Variants in NEDD4 observed in about 807,000 individuals in gnomAD.
The protein encoded by NEDD4 is NEDD4 E3 ubiquitin protein ligase.
NEDD4 carries 99 observed loss-of-function variants against 144.9 expected under a neutral mutation model. That is an observed-to-expected ratio of 0.68 (90% confidence interval 0.58 to 0.81). The LOEUF is 0.81. NEDD4 is among the 30% of genes least tolerant of loss of function. The pLI, the probability that NEDD4 is intolerant of heterozygous loss-of-function variation, is 0.00. For missense variants in NEDD4, 985 were observed against 1,065.9 expected, an observed-to-expected ratio of 0.92 and a Z score of 1.06; for synonymous variants, 318 against 350.6, an observed-to-expected ratio of 0.91 and a Z score of 1.04.
intron 18 of NEDD4, among the ~76,000 whole-genome samples, chr15:55,845,186 T>G (rs1282979667): frequency 6.6e-6 from 1 of 152,204 alleles, no homozygotes; most frequent in African/African-American, 2.4e-5. Flanking sequence ...ACCTTTCTTT[T>G]ATATGTTTAT....
chr15:55,846,149 A>T (rs1455908978), intron 18 of NEDD4, among the ~76,000 whole-genome samples: 1 of 152,222 alleles, frequency 6.6e-6, no homozygotes, highest in Non-Finnish European at 1.5e-5. Flanking sequence ...TTATTAGGGC[A>T]TAAAATGTTT....
At chr15:55,970,269 C>A (rs1420995174) in intron 1 of NEDD4, among the ~76,000 whole-genome samples, 1 of 152,094 alleles carries the variant, frequency 6.6e-6, no homozygotes, top group African/African-American at 2.4e-5. Flanking sequence ...CAAGCAGATT[C>A]CTAAAGTCCC....
At chr15:55,916,567 T>C in intron 5 of NEDD4, 1 of 1,614,070 alleles carries the variant, frequency 6.2e-7, no homozygotes, top group Non-Finnish European at 8.5e-7. Flanking sequence ...TGTAGTGAAA[T>C]CTGTAGACAG....
At chr15:55,924,568 C>T in intron 5 of NEDD4, 78 bp downstream of exon 5, 1 of 1,279,970 alleles carries the variant, frequency 7.8e-7, no homozygotes, top group South Asian at 1.3e-5. Flanking sequence ...AAATCCCAGA[C>T]TGCTTACCCA....
intron 2 of NEDD4, among the ~76,000 whole-genome samples, chr15:55,955,676 T>C (rs999531141): frequency 1.3e-5 from 2 of 152,246 alleles, no homozygotes; most frequent in Non-Finnish European, 2.9e-5. Flanking sequence ...TGTATGTATA[T>C]ACATTTCTTT....
At chr15:55,842,213 A>G (rs1566903326) in intron 18 of NEDD4, 50 bp from the exon 19 acceptor site, 1 of 1,456,012 alleles carries the variant, frequency 6.9e-7, no homozygotes, top group Non-Finnish European at 9.6e-7. Flanking sequence ...CAACATAATA[A>G]CAAACCCATC....
At position 55,850,565 on chromosome 15, in the gene NEDD4, G is replaced by C; in HGVS notation, c.1324C>G (p.His442Asp). 1.2e-6 allele frequency: 2 copies of C among 1,614,130 alleles called. No homozygotes were observed. Among genetic ancestry groups the C allele is most frequent in the African/African-American group, 1.3e-5 (1 of 75,036 alleles). The change falls in exon 14 of 29, where the codon CAC becomes GAC. Residue 442 changes from histidine (H) to aspartate (D), a missense_variant. His to Asp is a moderately conservative substitution (Grantham distance 81, BLOSUM62 -1). Coordinates refer to ENST00000435532, the MANE Select transcript of NEDD4 (RefSeq NM_006154.4). ...ACCCAGGTGGTGGTTTTAGTGTTGT[G>C]GTCAATAAAGAAAGGCCTCCCATTT... ...APNGRPFFID[H>D]NTKTTTWEDP...
chr15:55,962,071 T>C (rs1595877515), intron 2 of NEDD4, among the ~76,000 whole-genome samples: 1 of 152,228 alleles, frequency 6.6e-6, no homozygotes. Flanking sequence ...TAAGTTCTTT[T>C]AGCAGGCACA....
intron 1 of NEDD4, among the ~76,000 whole-genome samples, chr15:55,975,581 G>C (rs2037685158): frequency 6.6e-6 from 1 of 151,380 alleles, no homozygotes; most frequent in Non-Finnish European, 1.5e-5. Context: ...AAAGAAGTGA[G>C]AGATCTCTAC....
rs28767271 is a variant in NEDD4 at position 55,888,441 on chromosome 15, T to C, written c.292-14433A>G. Among the ~76,000 whole-genome samples, 573 of 152,186 alleles carry C rather than the reference T, an allele frequency of 3.8e-3. 5 individuals carry two copies. Among genetic ancestry groups the C allele is most frequent in the African/African-American group, 0.013 (551 of 41,554 alleles). ...GACGTGAAATATCTCTATCAAACAC[T>C]GATGAAAGAAATCAAAGAGGACACA... is the stretch of plus-strand genomic sequence containing the variant. On this transcript the variant is annotated intron_variant, in intron 5 of 28. Coordinates refer to ENST00000435532, the MANE Select transcript of NEDD4 (RefSeq NM_006154.4).
At chr15:55,957,480 CAG>C (rs1480864982) in intron 2 of NEDD4, among the ~76,000 whole-genome samples, 2 of 152,242 alleles carry the variant, frequency 1.3e-5, no homozygotes, top group African/African-American at 2.4e-5. Flanking sequence ...TCCTAGTTTG[CAG>C]AGAGTGTCTA....
chr15:55,848,199 G>A (rs1326036674), intron 17 of NEDD4, among the ~76,000 whole-genome samples, 173 bp downstream of exon 17: 4 of 152,210 alleles, frequency 2.6e-5, no homozygotes, highest in African/African-American at 7.2e-5. Context: ...GGATAATGAC[G>A]TTATAGAATC....
intron 5 of NEDD4, among the ~76,000 whole-genome samples, chr15:55,900,156 T>A (rs2035868456): frequency 6.6e-6 from 1 of 151,866 alleles, no homozygotes; most frequent in African/African-American, 2.4e-5. Flanking sequence ...CAAGAACTCA[T>A]CGTAAGGAAA....
intron 2 of NEDD4, chr15:55,952,548 C>T (rs1318221212): frequency 6.6e-6 from 1 of 152,096 alleles, no homozygotes; most frequent in East Asian, 1.9e-4. Context: ...CCAAACTATC[C>T]TTCCCCCAAC....
intron 5 of NEDD4, chr15:55,915,219 C>T: frequency 7.1e-7 from 1 of 1,409,030 alleles, no homozygotes; most frequent in Non-Finnish European, 9.5e-7. Flanking sequence ...AATAAATGTT[C>T]TCCAAATATT....
rs762438964 is a variant in NEDD4 at position 55,915,601 on chromosome 15, C to T, written c.291+9045G>A. 6 of 1,613,882 alleles carry T rather than the reference C, an allele frequency of 3.7e-6. No individual in the cohort carries two copies. Among genetic ancestry groups the T allele is most frequent in the Non-Finnish European group, 5.1e-6 (6 of 1,179,850 alleles). ...GTCCTATGCATGAGCTTAATATACT[C>T]TGAATCAGAATTAAGCTTAATTTCT... On this transcript the variant is annotated intron_variant, in intron 5 of 28. Coordinates refer to ENST00000435532, the MANE Select transcript of NEDD4 (RefSeq NM_006154.4).
At chr15:55,933,971 G>A (rs1161759736) in intron 4 of NEDD4, among the ~76,000 whole-genome samples, 1 of 152,070 alleles carries the variant, frequency 6.6e-6, no homozygotes, top group African/African-American at 2.4e-5. Flanking sequence ...CTGGCCAACA[G>A]GGTGAAACCT....
At position 55,886,942 on chromosome 15, in the gene NEDD4, T is replaced by G. The variant is rs138277913; in HGVS notation, c.292-12934A>C. ...TTAAGAAGGATATTGAAAATTTTCT[T>G]GAAACAAATAATGGAAGAATAACAT... On this transcript the variant is annotated intron_variant, in intron 5 of 28. Coordinates refer to ENST00000435532, the MANE Select transcript of NEDD4 (RefSeq NM_006154.4). 9.4e-3 allele frequency among the ~76,000 whole-genome samples: 1,430 copies of G among 151,946 alleles called. 7 individuals carry two copies. The highest frequency in any genetic ancestry group is 0.016 in the Non-Finnish European group (1,059 of 67,952).
Position 55,873,994 on chromosome 15 carries a change from G to A in NEDD4, c.306C>T (p.Phe102=), listed in dbSNP as rs773536658. 1.2e-5 allele frequency: 19 copies of A among 1,536,712 alleles called. No individual in the cohort carries two copies. The highest frequency in any genetic ancestry group is 1.7e-4 in the Middle Eastern group (1 of 5,848). ...AAAGTGGAACATCCACTTGACCTAG[G>A]AAATCATCTCTTGTCTATAAGAGAA... ...FDENRLTRDD[F]LGQVDVPLYP... is the part of the protein sequence containing the mutation. The change falls in exon 6 of 29, where the codon TTC becomes TTT. Residue 102 remains phenylalanine, a synonymous_variant. Transcript: ENST00000435532.
Sources: gnomAD v4.1 joint callset for allele counts (sites outside exome capture counted in the v4.1 genomes callset) on GRCh38, gnomAD v4.1.1 for gene constraint, MANE v1.5 for transcripts, NCBI Gene and HGNC (gene_info 2026-07-23, HGNC 2026-07-21) for gene names.